The following LAMB1 variants were observed in gnomAD, a reference collection of about 807,000 sequenced individuals.
LAMB1 encodes the protein laminin subunit beta 1.
In LAMB1, 121 loss-of-function variants were observed where a neutral mutation model predicts 222.3. The observed-to-expected ratio is 0.54, with a 90% CI of 0.47 to 0.63. The LOEUF (loss-of-function observed/expected upper bound fraction) is 0.63, where lower values mean the gene tolerates loss of function less well. Among genes scored for constraint, LAMB1 ranks in the 30% least tolerant of loss-of-function variants. LAMB1 has a pLI of 0.00. For synonymous variants in LAMB1, 794 were observed against 807.2 expected (o/e 0.98, Z 0.28); for missense variants, 2,172 against 2,240.8 (o/e 0.97, Z 0.62).
Position 107,924,350 on chromosome 7 carries a change from CTACTTTTTTA to C in LAMB1, c.5094_5103del (p.Tyr1698Ter). ...TCAGTTTTTTTGGCAATTAAATTTT[CTACTTTTTTA>C]TACTTTTCATCAAGTTCACCATCTA... On this transcript the variant is annotated frameshift_variant, in exon 33 of 34. Transcript: ENST00000222399. LOFTEE classifies it high-confidence loss of function. 1 of 1,611,710 alleles carries C rather than the reference CTACTTTTTTA, an allele frequency of 6.2e-7. No homozygotes were observed. The highest frequency in any genetic ancestry group is 8.5e-7 in the Non-Finnish European group (1 of 1,178,772).
chr7:107,934,829 G>A (rs1181193060), intron 27 of LAMB1, among the ~76,000 whole-genome samples: 3 of 151,306 alleles, frequency 2.0e-5, no homozygotes, highest in Admixed American at 1.3e-4. Flanking sequence ...TACTCAGGAG[G>A]GTGAGGTGGG....
intron 13 of LAMB1, among the ~76,000 whole-genome samples, chr7:107,966,532 C>T (rs2033640865): frequency 6.6e-6 from 1 of 152,160 alleles, no homozygotes; most frequent in Non-Finnish European, 1.5e-5. Context: ...CTTAACGTCC[C>T]ATAGCCAATT....
At chr7:107,999,762 G>GC (rs2034348401) in intron 3 of LAMB1, 1 of 111,814 alleles carries the variant, frequency 8.9e-6, no homozygotes. Flanking sequence ...GGCTCCAGTT[G>GC]CTTTTTTTTT....
chr7:107,996,593 T>G (rs1253295276), intron 4 of LAMB1, among the ~76,000 whole-genome samples: 1 of 152,206 alleles, frequency 6.6e-6, no homozygotes, highest in Admixed American at 6.5e-5. Context: ...AAAGACTAAG[T>G]TCCATCAGTC....
chr7:107,992,623 G>A (rs556343246), intron 5 of LAMB1, among the ~76,000 whole-genome samples: 115 of 152,278 alleles, frequency 7.6e-4, no homozygotes, highest in African/African-American at 2.6e-3. Flanking sequence ...CAGGCCAGGC[G>A]CGGTAGGCAC....
intron 7 of LAMB1, among the ~76,000 whole-genome samples, chr7:107,981,632 G>A (rs1338627672): frequency 6.6e-6 from 1 of 152,142 alleles, no homozygotes; most frequent in African/African-American, 2.4e-5. Context: ...GAACGCAGCT[G>A]CATGACTGCT....
rs776883875 is a variant in LAMB1, at chr7:107,964,543, C to G, written c.1698+9G>C. 1.2e-6 allele frequency: 2 copies of G among 1,614,120 alleles called. No homozygotes were observed. The highest frequency in any genetic ancestry group is 1.7e-6 in the Non-Finnish European group (2 of 1,179,978). On this transcript the variant is annotated intron_variant, in intron 14 of 33. Transcript: ENST00000222399. ...GCTTTACCGACCTGCCACACACTCC[C>G]CTACTCACAGGCCCCAAGTTGGCTT... is the stretch of plus-strand genomic sequence containing the variant.
intron 1 of LAMB1, 68 bp from the exon 2 acceptor site, chr7:108,003,039 C>T: frequency 6.9e-7 from 1 of 1,442,532 alleles, no homozygotes; most frequent in Non-Finnish European, 9.1e-7. Context: ...CTTCCATTTC[C>T]TGTCGCTCCC....
At chr7:107,985,105 TCAA>T (rs1405356080) in intron 7 of LAMB1, among the ~76,000 whole-genome samples, 3 of 152,186 alleles carry the variant, frequency 2.0e-5, no homozygotes, top group African/African-American at 7.2e-5. Flanking sequence ...GGTATTATGA[TCAA>T]CACAATTACT....
Position 107,931,427 on chromosome 7 carries a change from G to C in LAMB1, c.4466C>G (p.Thr1489Ser). 6.2e-7 allele frequency: 1 copy of C among 1,613,568 alleles called. No individual in the cohort carries two copies. Among genetic ancestry groups the C allele is most frequent in the Non-Finnish European group, 8.5e-7 (1 of 1,179,684 alleles). Residue 1489 changes from threonine (T) to serine (S), a missense_variant, in exon 29 of 34, where the codon ACC becomes AGC. Physicochemically the swap from Thr to Ser is moderately conservative, Grantham distance 58. Transcript: ENST00000222399. The stretch of plus-strand genomic sequence containing the variant: ...ATTGCTCTTGTCCATTTTTTCTTTG[G>C]TAGCATTTGTCTTCAACAGAATGTC... Reference protein sequence around the residue: ...AEDILLKTNATKEKMDKSNEE... With the variant: ...AEDILLKTNASKEKMDKSNEE...
chr7:107,962,956 G>A lies in LAMB1; in HGVS notation c.1806C>T (p.Asp602=). 1 of 1,613,994 alleles carries A rather than the reference G, an allele frequency of 6.2e-7. No homozygotes were observed. Among genetic ancestry groups the A allele is most frequent in the Non-Finnish European group, 8.5e-7 (1 of 1,179,970 alleles). ...CGTACTCCATGGAATATGGTATGTT[G>A]TCAATGAAAAACTCCAAATAAGCCC... ...PEGAYLEFFI[D]NIPYSMEYDI... Residue 602 remains aspartate, a synonymous_variant, in exon 15 of 34, where the codon GAC becomes GAT. Transcript: ENST00000222399.
chr7:107,994,800 G>A, intron 5 of LAMB1, 87 bp downstream of exon 5: 2 of 708,656 alleles, frequency 2.8e-6, no homozygotes, highest in East Asian at 2.6e-5. Flanking sequence ...TCCCATTTAG[G>A]TCAACTCACA....
intron 26 of LAMB1, 81 bp from the exon 27 acceptor site, chr7:107,935,737 T>C: frequency 6.9e-7 from 1 of 1,448,838 alleles, no homozygotes; most frequent in South Asian, 1.4e-5. Context: ...ATTTGGTGTC[T>C]TCGGGTCCTA....
At chr7:107,997,818 T>G (rs1258712526) in intron 4 of LAMB1, among the ~76,000 whole-genome samples, 1 of 152,196 alleles carries the variant, frequency 6.6e-6, no homozygotes, top group Non-Finnish European at 1.5e-5. Context: ...AGGGTGTAAT[T>G]CATGCAATCA....
In LAMB1 at chr7:107,932,443, GCAGGGC is replaced by G. The variant is rs1305982549; in HGVS notation, c.4189-72_4189-67del. On this transcript the variant is annotated intron_variant, in intron 27 of 33. Coordinates refer to ENST00000222399, the MANE Select transcript of LAMB1 (RefSeq NM_002291.3). ...GAATCTGCTGCAGCAAAACAGCTGTGCAGGGCCTGGGTGGCCCCAGAGAATGTGTAG... is the reference window on the plus strand; with the variant it reads ...GAATCTGCTGCAGCAAAACAGCTGTGCTGGGTGGCCCCAGAGAATGTGTAG... 2.6e-6 allele frequency: 4 copies of G among 1,532,270 alleles called. No individual in the cohort carries two copies. The East Asian group carries it at 9.0e-5, about 34-fold the overall frequency. The allele number at this position is 1,532,270 out of a possible 1,614,324, so 94.9% of individuals were successfully genotyped here.
At chr7:107,936,911 T>C (rs770889046) in intron 26 of LAMB1, among the ~76,000 whole-genome samples, 182 bp downstream of exon 26, 11 of 152,222 alleles carry the variant, frequency 7.2e-5, no homozygotes, top group Non-Finnish European at 1.5e-4. Context: ...TTAGGTTCTC[T>C]GTGCCCAAGT....
intron 31 of LAMB1, 38 bp downstream of exon 31, chr7:107,929,026 G>GGT (rs748619505): frequency 1.3e-6 from 2 of 1,592,236 alleles, no homozygotes; most frequent in African/African-American, 2.7e-5. Context: ...TGTATATGTA[G>GGT]GTGTGTTCCC....
At chr7:107,954,053 G>A (rs1392202573) in intron 21 of LAMB1, among the ~76,000 whole-genome samples, 2 of 152,166 alleles carry the variant, frequency 1.3e-5, no homozygotes, top group Non-Finnish European at 2.9e-5. Context: ...GGACAGTTAG[G>A]TCCTAGCACA....
At chr7:107,944,712 C>A (rs1182996791) in intron 24 of LAMB1, among the ~76,000 whole-genome samples, 8 of 152,134 alleles carry the variant, frequency 5.3e-5, no homozygotes, top group Admixed American at 5.2e-4. Context: ...AAGACCCCCT[C>A]CACTTCAAGA....
Sources: gnomAD v4.1 joint callset for allele counts (sites outside exome capture counted in the v4.1 genomes callset) on GRCh38, gnomAD v4.1.1 for gene constraint, MANE v1.5 for transcripts, NCBI Gene and HGNC (gene_info 2026-07-23, HGNC 2026-07-21) for gene names.